The following RARB variants were observed in gnomAD, a reference collection of about 807,000 sequenced individuals.
RARB encodes the protein HBV-activated protein.
A neutral mutation model predicts 51.9 loss-of-function variants in RARB; 17 were observed. The observed-to-expected ratio is 0.33, with a 90% CI of 0.22 to 0.49. The LOEUF (loss-of-function observed/expected upper bound fraction) is 0.49. Ranked by LOEUF, RARB falls within the 20% of genes least tolerant of loss-of-function variation. RARB has a pLI of 0.99. For missense variants in RARB, 369 were observed against 550.8 expected (o/e 0.67, Z 3.30); for synonymous variants, 215 against 195.4 (o/e 1.10, Z -0.84).
intron 2 of RARB, among the ~76,000 whole-genome samples, chr3:25,050,188 A>C (rs1402525238): frequency 6.6e-6 from 1 of 152,174 alleles, no homozygotes; most frequent in Non-Finnish European, 1.5e-5. Context: ...TATTGAAATG[A>C]CTATGCAACG....
chr3:25,183,690 A>ATACTATAAAT (rs1700913726), intron 5 of RARB, among the ~76,000 whole-genome samples: 1 of 152,126 alleles, frequency 6.6e-6, no homozygotes, highest in Non-Finnish European at 1.5e-5. Context: ...TAGGATTTGT[A>ATACTATAAAT]TACTATAAAT....
At chr3:25,183,842 T>C (rs1276284055) in intron 5 of RARB, among the ~76,000 whole-genome samples, 2 of 152,140 alleles carry the variant, frequency 1.3e-5, no homozygotes, top group East Asian at 3.9e-4. Context: ...GTCTTCTCCC[T>C]TATATTTAGA....
At chr3:25,273,200 T>C (rs917270182) in intron 5 of RARB, among the ~76,000 whole-genome samples, 1 of 152,208 alleles carries the variant, frequency 6.6e-6, no homozygotes. Context: ...CTACATGTCA[T>C]ATTAAGTGCA....
intron 5 of RARB, among the ~76,000 whole-genome samples, chr3:25,197,052 T>G (rs561563023): frequency 1.4e-4 from 21 of 152,218 alleles, no homozygotes; most frequent in East Asian, 1.4e-3. Context: ...CTTTTGCCGT[T>G]CAGAAGCTCT....
At chr3:25,229,992 G>A (rs1368470427) in intron 5 of RARB, among the ~76,000 whole-genome samples, 2 of 152,070 alleles carry the variant, frequency 1.3e-5, no homozygotes, top group Non-Finnish European at 2.9e-5. Flanking sequence ...AGTGGGGAAG[G>A]ATCTTGAGTA....
At chr3:25,426,056 C>T (rs1382182093), upstream of RARB, among the ~76,000 whole-genome samples, 1 of 152,182 alleles carries the variant, frequency 6.6e-6, no homozygotes, top group Non-Finnish European at 1.5e-5. Flanking sequence ...TAAAAATGAA[C>T]TCAGTTTCCA....
At chr3:25,566,876 A>G (rs1700515979) in intron 3 of RARB, among the ~76,000 whole-genome samples, 1 of 152,118 alleles carries the variant, frequency 6.6e-6, no homozygotes, top group African/African-American at 2.4e-5. Context: ...CAAACATGGT[A>G]TTGTTGGGCC....
intron 5 of RARB, among the ~76,000 whole-genome samples, chr3:25,361,410 G>A (rs1705928290): frequency 6.6e-6 from 1 of 152,120 alleles, no homozygotes. Context: ...TAGCTTCCTT[G>A]CATTGGATTA....
intron 1 of RARB, among the ~76,000 whole-genome samples, chr3:25,434,138 C>T (rs1239258877): frequency 6.6e-6 from 1 of 152,200 alleles, no homozygotes; most frequent in Non-Finnish European, 1.5e-5. Flanking sequence ...CTAGTCAGGG[C>T]TCAGGGATTC....
At chr3:24,839,335 CTTTT>C (rs1702386629) in intron 1 of RARB, among the ~76,000 whole-genome samples, 1 of 151,968 alleles carries the variant, frequency 6.6e-6, no homozygotes, top group Non-Finnish European at 1.5e-5. Flanking sequence ...TTGATTTATA[CTTTT>C]TAGGTTTGGG....
At chr3:25,026,647 G>A (rs139972186) in intron 2 of RARB, among the ~76,000 whole-genome samples, 3 of 152,090 alleles carry the variant, frequency 2.0e-5, no homozygotes, top group African/African-American at 7.2e-5. Flanking sequence ...TAGGGGTTAG[G>A]GCTTTAACAT....
At chr3:25,308,970 C>G (rs1007696126) in intron 5 of RARB, among the ~76,000 whole-genome samples, 4 of 152,002 alleles carry the variant, frequency 2.6e-5, no homozygotes, top group African/African-American at 9.7e-5. Context: ...TTAATGTAAA[C>G]TAAAATTTAA....
intron 3 of RARB, among the ~76,000 whole-genome samples, chr3:25,064,221 A>C (rs1297694056): frequency 6.6e-6 from 1 of 152,154 alleles, no homozygotes; most frequent in Non-Finnish European, 1.5e-5. Flanking sequence ...CCATCTCAAC[A>C]AAATAGTAAT....
intron 5 of RARB, among the ~76,000 whole-genome samples, chr3:25,321,363 T>C (rs1287818799): frequency 6.6e-6 from 1 of 152,130 alleles, no homozygotes; most frequent in Non-Finnish European, 1.5e-5. Context: ...TCTTTTTTGT[T>C]GACCAAAAAA....
intron 2 of RARB, among the ~76,000 whole-genome samples, chr3:25,058,390 A>G (rs1057286502): frequency 2.0e-5 from 3 of 151,822 alleles, no homozygotes; most frequent in African/African-American, 4.8e-5. Context: ...GAACTGACCA[A>G]TCTAATGACT....
intron 3 of RARB, among the ~76,000 whole-genome samples, chr3:25,066,421 C>A (rs1203565493): frequency 6.6e-6 from 1 of 152,116 alleles, no homozygotes; most frequent in African/African-American, 2.4e-5. Flanking sequence ...GAGTAACAGG[C>A]CATTTGAGTA....
chr3:25,292,277 A>C (rs886591814), intron 5 of RARB, among the ~76,000 whole-genome samples: 1 of 152,092 alleles, frequency 6.6e-6, no homozygotes, highest in Non-Finnish European at 1.5e-5. Flanking sequence ...CCCTCACCCC[A>C]CCAAAATGTA....
intron 5 of RARB, among the ~76,000 whole-genome samples, chr3:25,362,423 G>A (rs1264005640): frequency 1.3e-5 from 2 of 152,276 alleles, no homozygotes; most frequent in Non-Finnish European, 2.9e-5. Flanking sequence ...AGCTTGCTGG[G>A]CTCCAATGAG....
At chr3:25,067,051 G>C (rs1341217062) in intron 3 of RARB, among the ~76,000 whole-genome samples, 3 of 152,178 alleles carry the variant, frequency 2.0e-5, no homozygotes, top group Admixed American at 2.0e-4. Context: ...GCACATAGCT[G>C]AGAAATGCAT....
Sources: allele counts gnomAD v4.1 joint callset (sites outside exome capture counted in the v4.1 genomes callset), GRCh38; gene constraint gnomAD v4.1.1; transcripts MANE v1.5; gene names NCBI Gene and HGNC (gene_info 2026-07-23, HGNC 2026-07-21).